The following SUGT1 variants were observed in gnomAD, a reference collection of about 807,000 sequenced individuals.
SUGT1 encodes protein SGT1 homolog.
Under a neutral mutation model 56.1 loss-of-function variants are expected in SUGT1, and 15 were observed. That is an observed-to-expected ratio of 0.27 (90% CI 0.18 to 0.41). The LOEUF (loss-of-function observed/expected upper bound fraction) is 0.41. Ranked by LOEUF, SUGT1 falls within the 10% of genes least tolerant of loss-of-function variation. SUGT1 has a pLI of 1.00. For missense variants in SUGT1, 347 were observed against 382.2 expected, an observed-to-expected ratio of 0.91 and a Z score of 0.77; for synonymous variants, 123 against 128.6, an observed-to-expected ratio of 0.96 and a Z score of 0.30.
rs2138195135 is a variant in SUGT1, at chr13:52,694,911, A to G, written c.*7076A>G. 1 of 152,274 alleles carries G rather than the reference A, an allele frequency of 6.6e-6. No homozygotes were observed. Among genetic ancestry groups the G allele is most frequent in the East Asian group, 1.9e-4 (1 of 5,180 alleles). 9.4% of individuals were successfully genotyped at this position (152,274 alleles called of 1,614,324 possible). On this transcript the variant is annotated 3_prime_UTR_variant, in exon 13 of 13. Transcript: ENST00000310528. ...TCACCGTGTTAGCCAGGATGGTCTC[A>G]TCTCCTGATCTTGTGACCCGCCCGC...
chr13:52,693,708 G>GTT lies in SUGT1; in HGVS notation c.*5876_*5877dup, dbSNP rs1566206695. 1.3e-5 allele frequency: 2 copies of GTT among 151,254 alleles called. No homozygotes were observed. Among genetic ancestry groups the GTT allele is most frequent in the African/African-American group, 4.9e-5 (2 of 40,672 alleles). The allele number at this position is 151,254 out of a possible 1,614,324, so 9.4% of individuals were successfully genotyped here. ...AATCCAGAAGGCTCAAAATACTAAT[G>GTT]TTTTGTGTGTGTGTGTGTGTGTGCA... On this transcript the variant is annotated 3_prime_UTR_variant, in exon 13 of 13. Transcript: ENST00000310528.
rs145558817 is a variant in SUGT1, at chr13:52,690,163, A to G, written c.*2328A>G. On this transcript the variant is annotated 3_prime_UTR_variant, in exon 13 of 13. Coordinates refer to ENST00000310528, the MANE Select transcript of SUGT1 (RefSeq NM_006704.5). Reference sequence around the variant, plus strand: ...ATACCTTGTCAAATACATTAGATTCATTATAGGTCAAGGGAATTTTGAAAA... The same window carrying G: ...ATACCTTGTCAAATACATTAGATTCGTTATAGGTCAAGGGAATTTTGAAAA... 3.9e-5 allele frequency: 6 copies of G among 152,308 alleles called. No individual in the cohort carries two copies. The highest frequency in any genetic ancestry group is 1.4e-4 in the African/African-American group (6 of 41,570). 9.4% of individuals were successfully genotyped at this position (152,308 alleles called of 1,614,324 possible). A position where few individuals can be genotyped will look rare whatever the true frequency, so the allele number is the denominator to read the frequency against.
rs1039672556 is a variant in SUGT1, at chr13:52,700,348, G to A, written c.*12513G>A. 2.6e-5 allele frequency: 4 copies of A among 152,110 alleles called. No homozygotes were observed. The highest frequency in any genetic ancestry group is 5.9e-5 in the Non-Finnish European group (4 of 67,994). The allele number at this position is 152,110 out of a possible 1,614,324, so 9.4% of individuals were successfully genotyped here. A position where few individuals can be genotyped will look rare whatever the true frequency, so the allele number is the denominator to read the frequency against. ...ATTATACCTGCATAAAAGTATTTAT[G>A]TATAGATGTACTTACCTTACACAGT... On this transcript the variant is annotated 3_prime_UTR_variant, in exon 13 of 13. Coordinates refer to ENST00000310528, the MANE Select transcript of SUGT1 (RefSeq NM_006704.5).
chr13:52,654,315 A>G (rs1327517588), intron 2 of SUGT1, among the ~76,000 whole-genome samples: 1 of 152,212 alleles, frequency 6.6e-6, no homozygotes, highest in Non-Finnish European at 1.5e-5. Flanking sequence ...GACAGCTATG[A>G]CTTTTAATTT....
At chr13:52,673,513 G>C (rs1019273194) in intron 10 of SUGT1, among the ~76,000 whole-genome samples, 1 of 152,212 alleles carries the variant, frequency 6.6e-6, no homozygotes, top group African/African-American at 2.4e-5. Context: ...GCTTGTCTCA[G>C]CTGAAGCAGG....
chr13:52,666,025 CTAGT>C (rs1962686171), intron 9 of SUGT1, among the ~76,000 whole-genome samples: 1 of 152,122 alleles, frequency 6.6e-6, no homozygotes, highest in Non-Finnish European at 1.5e-5. Flanking sequence ...TGAAAAAGAT[CTAGT>C]TAGTTTTGTG....
At chr13:52,653,019 C>G in intron 1 of SUGT1, 27 bp from the exon 2 acceptor site, 1 of 1,614,198 alleles carries the variant, frequency 6.2e-7, no homozygotes, top group Non-Finnish European at 8.5e-7. Context: ...CTAGTGAGCC[C>G]TGCTGAAGTC....
chr13:52,671,239 TA>T (rs36146936), intron 10 of SUGT1, among the ~76,000 whole-genome samples: 115 of 152,078 alleles, frequency 7.6e-4, no homozygotes, highest in African/African-American at 2.3e-3. Flanking sequence ...TGAATTAGTT[TA>T]AAAAAAGATC....
chr13:52,660,409 A>G (rs979004481), intron 5 of SUGT1, among the ~76,000 whole-genome samples: 5 of 152,170 alleles, frequency 3.3e-5, no homozygotes, highest in East Asian at 1.9e-4. Flanking sequence ...TAAATATTCT[A>G]TAATGCCCAG....
intron 5 of SUGT1, 29 bp downstream of exon 5, chr13:52,659,278 A>C (rs775601577): frequency 7.5e-7 from 1 of 1,330,386 alleles, no homozygotes; most frequent in Admixed American, 2.8e-5. Flanking sequence ...ACTTTAATAA[A>C]CTTATCTATT....
Position 52,672,175 on chromosome 13 carries a change from G to A in SUGT1, c.628-4055G>A, listed in dbSNP as rs180886934. On this transcript the variant is annotated intron_variant, in intron 10 of 12. Coordinates refer to ENST00000310528, the MANE Select transcript of SUGT1 (RefSeq NM_006704.5). ...TGGAAAAGATAAAGGAGTTTAGGAA[G>A]TAATCACTCAGACTCACCACTCAGA... Among the ~76,000 whole-genome samples the A allele has an allele frequency of 1.8e-3, 280 of 152,288 alleles. 3 individuals carry two copies. Among genetic ancestry groups the A allele is most frequent in the African/African-American group, 6.3e-3 (263 of 41,564 alleles).
intron 5 of SUGT1, among the ~76,000 whole-genome samples, chr13:52,660,129 G>A (rs1962373000): frequency 6.6e-6 from 1 of 151,826 alleles, no homozygotes; most frequent in African/African-American, 2.4e-5. Context: ...GCACCCAGCC[G>A]AGAGCCAAGA....
chr13:52,685,290 C>A (rs996308451), intron 12 of SUGT1, among the ~76,000 whole-genome samples: 1 of 139,722 alleles, frequency 7.2e-6, no homozygotes, highest in African/African-American at 2.7e-5. Context: ...GAGATAAGGT[C>A]TCCTATGTTG....
Position 52,690,668 on chromosome 13 carries a change from A to G in SUGT1, c.*2833A>G, listed in dbSNP as rs1963750562. On this transcript the variant is annotated 3_prime_UTR_variant, in exon 13 of 13. Coordinates refer to ENST00000310528, the MANE Select transcript of SUGT1 (RefSeq NM_006704.5). ...AATCTCTTTAGATATCTATACCACAAGTTTGAAACATCAAGGTCAATTTTG... is the reference window on the plus strand; with the variant it reads ...AATCTCTTTAGATATCTATACCACAGGTTTGAAACATCAAGGTCAATTTTG... 1 of 152,124 alleles carries G rather than the reference A, an allele frequency of 6.6e-6. No individual in the cohort carries two copies. The highest frequency in any genetic ancestry group is 2.4e-5 in the African/African-American group (1 of 41,426). The allele number at this position is 152,124 out of a possible 1,614,324, so 9.4% of individuals were successfully genotyped here.
chr13:52,667,767 T>A (rs963256082), intron 10 of SUGT1, among the ~76,000 whole-genome samples: 1 of 152,178 alleles, frequency 6.6e-6, no homozygotes, highest in Non-Finnish European at 1.5e-5. Flanking sequence ...AACTGAAAAT[T>A]TAAAAATCTG....
At chr13:52,668,104 TC>T (rs1962791618) in intron 10 of SUGT1, among the ~76,000 whole-genome samples, 1 of 151,998 alleles carries the variant, frequency 6.6e-6, no homozygotes, top group Non-Finnish European at 1.5e-5. Context: ...TGCCTCAGCC[TC>T]CTGAGTAGCT....
chr13:52,682,690 C>T (rs115810335), intron 12 of SUGT1, among the ~76,000 whole-genome samples: 1,625 of 152,244 alleles, frequency 0.011, 30 homozygotes, highest in African/African-American at 0.037. Flanking sequence ...TTTCTAAGTT[C>T]CCCACTGTGT....
At position 52,657,516 on chromosome 13, in the gene SUGT1, ATGTT is replaced by A; in HGVS notation, c.97-10_97-7del. 1 of 1,608,730 alleles carries A rather than the reference ATGTT, an allele frequency of 6.2e-7. No individual in the cohort carries two copies. The highest frequency in any genetic ancestry group is 1.7e-4 in the Middle Eastern group (1 of 6,044). The stretch of plus-strand genomic sequence containing the variant: ...TTACAAACTTTTACTGACGCTCCAC[ATGTT>A]TGTTTTTGTAGGAGCTGACTAAGGC... On this transcript the variant is annotated splice_polypyrimidine_tract_variant and intron_variant, in intron 2 of 12. Coordinates refer to ENST00000310528, the MANE Select transcript of SUGT1 (RefSeq NM_006704.5).
chr13:52,685,860 A>G (rs1160506084), intron 12 of SUGT1, among the ~76,000 whole-genome samples: 2 of 152,218 alleles, frequency 1.3e-5, no homozygotes, highest in African/African-American at 4.8e-5. Context: ...TGGGGCGATA[A>G]GTGTCATCAG....
Sources: allele counts gnomAD v4.1 joint callset (sites outside exome capture counted in the v4.1 genomes callset), GRCh38; gene constraint gnomAD v4.1.1; transcripts MANE v1.5; gene names NCBI Gene and HGNC (gene_info 2026-07-23, HGNC 2026-07-21).